The following PCDHA13 variants were observed in gnomAD, a reference collection of about 807,000 sequenced individuals.
PCDHA13 encodes the protein protocadherin alpha 13.
A neutral mutation model predicts 64.8 loss-of-function variants in PCDHA13; 54 were observed. The observed-to-expected ratio is 0.83, with a 90% CI of 0.67 to 1.04. PCDHA13 has a LOEUF of 1.04. Ranked by LOEUF, PCDHA13 falls within the 50% of genes least tolerant of loss-of-function variation. The pLI is 0.00. For synonymous variants in PCDHA13, 587 were observed against 564.4 expected (o/e 1.04, Z -0.57); for missense variants, 1,248 against 1,254.3 (o/e 0.99, Z 0.08).
chr5:140,899,788 C>T (rs1260643506), intron 1 of PCDHA13, among the ~76,000 whole-genome samples: 3 of 152,054 alleles, frequency 2.0e-5, no homozygotes, highest in Admixed American at 6.6e-5. Context: ...TGGTATAATT[C>T]GGCTGTGAAT....
Position 140,884,130 on chromosome 5 carries a change from C to T in PCDHA13, c.1862C>T (p.Pro621Leu), listed in dbSNP as rs1554181258. Residue 621 changes from proline to leucine, a missense_variant, in exon 1 of 4, where the codon CCG (proline) becomes CTG (leucine). Transcript: ENST00000289272. ...LQLAAVGARI[P>L]FRVGLYTGEI... ...CTGGCGGCGGTCGGCGCGCGCATCC[C>T]GTTCCGCGTGGGGCTGTACACTGGC... 5 of 1,613,434 alleles carry T rather than the reference C, an allele frequency of 3.1e-6. No individual in the cohort carries two copies. Among genetic ancestry groups the T allele is most frequent in the Non-Finnish European group, 3.4e-6 (4 of 1,179,740 alleles).
chr5:140,965,035 C>T (rs978573637), intron 1 of PCDHA13, among the ~76,000 whole-genome samples: 6 of 152,108 alleles, frequency 3.9e-5, no homozygotes, highest in Non-Finnish European at 5.9e-5. Context: ...TTTAACTGTC[C>T]GCTCTAGGAG....
rs1263615997 is a variant in PCDHA13 at position 140,926,760 on chromosome 5, A to ATAC, written c.2394+42099_2394+42100insACT. ...GGCGCAACGTCGGCGGTCGCTGAGT[A>ATAC]TCCAGCCCGCAGCAGTGACGGCCGG... On this transcript the variant is annotated intron_variant, in intron 1 of 3. Transcript: ENST00000289272. The ATAC allele has an allele frequency of 6.1e-6, 8 of 1,312,248 alleles. No homozygotes were observed. The African/African-American group carries it at 1.2e-4, about 20-fold the overall frequency. The allele number at this position is 1,312,248 out of a possible 1,614,324, so 81.3% of individuals were successfully genotyped here.
chr5:140,967,495 C>G, intron 1 of PCDHA13: 1 of 1,613,306 alleles, frequency 6.2e-7, no homozygotes. Flanking sequence ...CGGCACAGAT[C>G]TCTGTGCGTG....
At chr5:140,885,131 CT>C (rs1162868700) in intron 1 of PCDHA13, among the ~76,000 whole-genome samples, 1 of 152,024 alleles carries the variant, frequency 6.6e-6, no homozygotes, top group Non-Finnish European at 1.5e-5. Flanking sequence ...TTCTTTCTTT[CT>C]TTTTTTAAAC....
chr5:140,891,635 G>A (rs1266162781), intron 1 of PCDHA13, among the ~76,000 whole-genome samples: 3 of 151,868 alleles, frequency 2.0e-5, no homozygotes, highest in African/African-American at 7.3e-5. Context: ...TTTGCTCTTT[G>A]GGCTTTATTG....
chr5:140,928,276 GC>G, intron 1 of PCDHA13: 1 of 1,614,172 alleles, frequency 6.2e-7, no homozygotes. Flanking sequence ...TGGCCCTGGG[GC>G]CTCTCTAGGC....
At chr5:140,937,954 G>A (rs1209058625) in intron 1 of PCDHA13, among the ~76,000 whole-genome samples, 2 of 151,226 alleles carry the variant, frequency 1.3e-5, no homozygotes, top group Non-Finnish European at 2.9e-5. Context: ...GGCTTTTGTT[G>A]AAAGTATATA....
At chr5:140,911,410 A>G (rs1472938045) in intron 1 of PCDHA13, among the ~76,000 whole-genome samples, 1 of 152,208 alleles carries the variant, frequency 6.6e-6, no homozygotes, top group African/African-American at 2.4e-5. Context: ...AGCCACTGGT[A>G]TGATAAGAAC....
chr5:140,948,602 A>G (rs537329393), intron 1 of PCDHA13, among the ~76,000 whole-genome samples: 2 of 151,590 alleles, frequency 1.3e-5, no homozygotes, highest in Non-Finnish European at 3.0e-5. Context: ...AATTTATCAT[A>G]TTTTTGGCAC....
chr5:140,899,995 A>G (rs1449060467), intron 1 of PCDHA13, among the ~76,000 whole-genome samples: 1 of 151,872 alleles, frequency 6.6e-6, no homozygotes, highest in Non-Finnish European at 1.5e-5. Context: ...TTTTTTGTAG[A>G]GATGAGGTCT....
rs371705947 is a variant in PCDHA13, at chr5:140,967,473, C to T, written c.2395-11476C>T. The T allele has an allele frequency of 6.6e-5, 107 of 1,613,362 alleles. No homozygotes were observed. The highest frequency in any genetic ancestry group is 6.6e-4 in the Middle Eastern group (4 of 6,058). On this transcript the variant is annotated intron_variant, in intron 1 of 3. Coordinates refer to ENST00000289272, the MANE Select transcript of PCDHA13 (RefSeq NM_018904.3). The stretch of plus-strand genomic sequence containing the variant: ...ACAGCCGTGGATGGGGGCATCCCAG[C>T]CCGCTCGGGTACGGCACAGATCTCT...
intron 1 of PCDHA13, among the ~76,000 whole-genome samples, chr5:140,905,575 G>A (rs1233481804): frequency 6.6e-6 from 1 of 152,138 alleles, no homozygotes; most frequent in Non-Finnish European, 1.5e-5. Flanking sequence ...TGTGAAGAAT[G>A]ATAATGATAT....
chr5:140,966,923 G>A (rs781929029), intron 1 of PCDHA13: 36 of 1,602,826 alleles, frequency 2.2e-5, no homozygotes, highest in Non-Finnish European at 3.0e-5. Context: ...AGAGGAGCAG[G>A]CACCCGGCGC....
At chr5:140,996,695 A>G (rs1207094122) in intron 3 of PCDHA13, among the ~76,000 whole-genome samples, 1 of 152,088 alleles carries the variant, frequency 6.6e-6, no homozygotes, top group East Asian at 1.9e-4. Context: ...ATTCTTCTGA[A>G]CCTCTATCTC....
At chr5:140,928,227 T>G (rs781923359) in intron 1 of PCDHA13, 2 of 1,614,198 alleles carry the variant, frequency 1.2e-6, no homozygotes, top group South Asian at 2.2e-5. Context: ...CACCAAACTT[T>G]CCTCAACCCC....
At chr5:140,982,192 G>A (rs1390222750) in intron 2 of PCDHA13, among the ~76,000 whole-genome samples, 4 of 152,230 alleles carry the variant, frequency 2.6e-5, no homozygotes, top group Non-Finnish European at 4.4e-5. Context: ...TGGGCTTCCT[G>A]TTAGATTTAG....
rs557035841 is a variant in PCDHA13, at chr5:140,907,537, A to G, written c.2394+22875A>G. On this transcript the variant is annotated intron_variant, in intron 1 of 3. Coordinates refer to ENST00000289272, the MANE Select transcript of PCDHA13 (RefSeq NM_018904.3). ...GTGAGGACAAATCGCTGCCCTTTCT[A>G]TGATGGAAGAGGTCCAATATAATCA... 7.9e-5 allele frequency among the ~76,000 whole-genome samples: 12 copies of G among 152,370 alleles called. No homozygotes were observed. The South Asian group carries it at 1.2e-3, about 16-fold the overall frequency.
At chr5:140,889,101 T>TCC in intron 1 of PCDHA13, among the ~76,000 whole-genome samples, 1 of 152,074 alleles carries the variant, frequency 6.6e-6, no homozygotes, top group East Asian at 1.9e-4. Context: ...AATTTTTTCA[T>TCC]CTTTATTCCA....
Sources: allele counts gnomAD v4.1 joint callset (sites outside exome capture counted in the v4.1 genomes callset), GRCh38; gene constraint gnomAD v4.1.1; transcripts MANE v1.5; gene names NCBI Gene and HGNC (gene_info 2026-07-23, HGNC 2026-07-21).